The following DNAH17 variants were observed in gnomAD, a reference collection of about 807,000 sequenced individuals.
The protein encoded by DNAH17 is axonemal beta dynein heavy chain 17.
Under a neutral mutation model 485.6 loss-of-function variants are expected in DNAH17, and 376 were observed. The ratio of observed to expected loss-of-function variants is 0.77; its 90% CI spans 0.71 to 0.84. The LOEUF is 0.84. Ranked by LOEUF, DNAH17 falls within the 40% of genes least tolerant of loss-of-function variation. The pLI, the probability that DNAH17 is intolerant of heterozygous loss-of-function variation, is 0.00. For synonymous variants in DNAH17, 3,031 were observed against 2,405.9 expected (o/e 1.26, Z -7.60); for missense variants, 6,370 against 5,839.3 (o/e 1.09, Z -2.96).
At chr17:78,558,342 G>A (rs2092073487) in intron 13 of DNAH17, 88 bp from the exon 14 acceptor site, 5 of 1,489,378 alleles carry the variant, frequency 3.4e-6, no homozygotes, top group Non-Finnish European at 4.5e-6. Context: ...ATCTGCCCTG[G>A]GATGTTTTGA....
chr17:78,502,662 C>A lies in DNAH17; in HGVS notation c.5119G>T (p.Glu1707Ter), dbSNP rs752766622. ...AGCCTGGCAAATGCCAGGCCCACCT[C>A]GGTCGTCCACCAGATCTGGGTGCAA... ...LTCTQIWWTT[E>*]VGLAFARLEE... Residue 1707 changes from glutamate (E) to a stop codon, truncating the protein, a stop_gained, in exon 33 of 81, where the codon GAG becomes TAG. Transcript: ENST00000389840. LOFTEE classifies it high-confidence loss of function. 1.2e-6 allele frequency: 2 copies of A among 1,612,888 alleles called. No homozygotes were observed. The highest frequency in any genetic ancestry group is 1.7e-6 in the Non-Finnish European group (2 of 1,179,962).
intron 66 of DNAH17, 59 bp downstream of exon 66, chr17:78,451,410 C>G (rs997960271): frequency 1.3e-6 from 2 of 1,504,626 alleles, no homozygotes; most frequent in African/African-American, 2.8e-5. Flanking sequence ...TCACAGTGAC[C>G]TGGCCCCCTC....
chr17:78,558,361 G>T, intron 13 of DNAH17, 107 bp from the exon 14 acceptor site: 1 of 1,380,686 alleles, frequency 7.2e-7, no homozygotes, highest in Non-Finnish European at 9.7e-7. Context: ...GACAGCCGGG[G>T]GGGATCTCAA....
intron 24 of DNAH17, 74 bp from the exon 25 acceptor site, chr17:78,525,235 G>A: frequency 6.4e-7 from 1 of 1,552,098 alleles, no homozygotes; most frequent in South Asian, 1.2e-5. Context: ...CCGACGTTCT[G>A]CCCGTCTCTC....
chr17:78,569,663 C>T lies in DNAH17; in HGVS notation c.1045-136G>A. 4.3e-6 allele frequency: 5 copies of T among 1,162,038 alleles called. No individual in the cohort carries two copies. The South Asian group carries it at 8.5e-5, about 20-fold the overall frequency. The allele number at this position is 1,162,038 out of a possible 1,614,324, so 72.0% of individuals were successfully genotyped here. On this transcript the variant is annotated intron_variant, in intron 7 of 80. Coordinates refer to ENST00000389840, the MANE Select transcript of DNAH17 (RefSeq NM_173628.4). ...AATAACCCCTCCTATCTGCCCACTGCTGGGCCGTTTTTAGGGGACCGAGCT... is the reference window on the plus strand; with the variant it reads ...AATAACCCCTCCTATCTGCCCACTGTTGGGCCGTTTTTAGGGGACCGAGCT...
chr17:78,491,579 G>T lies in DNAH17; in HGVS notation c.6542-9C>A. ...GATGGTGGAGAACAGGCCTGGGGGA[G>T]GCGCGTGGTATGACCCCGGGCCCTT... On this transcript the variant is annotated splice_polypyrimidine_tract_variant and intron_variant, in intron 42 of 80. Transcript: ENST00000389840. 6.2e-7 allele frequency: 1 copy of T among 1,613,430 alleles called. No homozygotes were observed.
chr17:78,482,644 C>T (rs1278257016), intron 48 of DNAH17, among the ~76,000 whole-genome samples: 5 of 152,204 alleles, frequency 3.3e-5, no homozygotes, highest in African/African-American at 4.8e-5. Context: ...CTGCCCACCT[C>T]ACAGCTCACC....
chr17:78,554,216 G>T (rs758485562), intron 14 of DNAH17, among the ~76,000 whole-genome samples: 1 of 152,030 alleles, frequency 6.6e-6, no homozygotes, highest in Non-Finnish European at 1.5e-5. Flanking sequence ...GAGGCAGGCA[G>T]ATCACTTAAG....
chr17:78,449,970 C>T, intron 68 of DNAH17: 2 of 502,404 alleles, frequency 4.0e-6, no homozygotes, highest in East Asian at 3.4e-5. Flanking sequence ...GCCACCATGC[C>T]AGGCCATCCA....
intron 22 of DNAH17, among the ~76,000 whole-genome samples, chr17:78,527,703 T>G (rs1181552375): frequency 6.6e-6 from 1 of 152,204 alleles, no homozygotes; most frequent in Non-Finnish European, 1.5e-5. Flanking sequence ...CCAGAATGGC[T>G]GCAACAATCA....
rs73380886 is a variant in DNAH17, at chr17:78,505,571, C to T, written c.4804-126G>A. 4.6e-3 allele frequency: 5,701 copies of T among 1,234,008 alleles called. 195 individuals carry two copies. The African/African-American group carries it at 0.075, about 16-fold the overall frequency. 76.4% of individuals were successfully genotyped at this position (1,234,008 alleles called of 1,614,324 possible). ...GAATATACTCCCCATCTTTGATCAA[C>T]GTTGACTAAACATGACTAAGTCAAC... On this transcript the variant is annotated intron_variant, in intron 30 of 80. Coordinates refer to ENST00000389840, the MANE Select transcript of DNAH17 (RefSeq NM_173628.4).
In DNAH17 at chr17:78,572,700, C is replaced by CCT; in HGVS notation, c.538_539dup (p.Ile181GlyfsTer29). The CCT allele has an allele frequency of 6.2e-7, 1 of 1,600,852 alleles. No homozygotes were observed. The highest frequency in any genetic ancestry group is 8.5e-7 in the Non-Finnish European group (1 of 1,174,154). On this transcript the variant is annotated frameshift_variant and splice_region_variant. Coordinates refer to ENST00000389840, the MANE Select transcript of DNAH17 (RefSeq NM_173628.4). LOFTEE classifies it high-confidence loss of function. ...AGCCGGAAGCAGCTGGGCCCACACA[C>CCT]CTCTCCATGGACTCCAGCGTGCCAT...
intron 54 of DNAH17, 58 bp from the exon 55 acceptor site, chr17:78,468,941 A>G: frequency 6.4e-7 from 1 of 1,561,932 alleles, no homozygotes; most frequent in Non-Finnish European, 8.6e-7. Flanking sequence ...AATTAGAGAC[A>G]TCCTCCACAA....
chr17:78,518,993 C>A (rs573299691), intron 25 of DNAH17, among the ~76,000 whole-genome samples: 1 of 151,672 alleles, frequency 6.6e-6, no homozygotes, highest in South Asian at 2.1e-4. Context: ...ATGGTGAAAC[C>A]CCGTCTCTAC....
chr17:78,459,750 G>A (rs774544622), intron 60 of DNAH17, 34 bp downstream of exon 60: 8 of 1,610,800 alleles, frequency 5.0e-6, no homozygotes, highest in Admixed American at 1.7e-5. Context: ...GAATCGGAGG[G>A]AAGCCCCGGC....
Position 78,558,205 on chromosome 17 carries a change from T to C in DNAH17, c.2081A>G (p.Lys694Arg). 6.2e-7 allele frequency: 1 copy of C among 1,613,852 alleles called. No individual in the cohort carries two copies. The highest frequency in any genetic ancestry group is 8.5e-7 in the Non-Finnish European group (1 of 1,179,818). Reference sequence around the variant, plus strand: ...ACTCTCCGCACTGTCTGGAATCTCTTTCTGTTGCTGGAAATTCAAATACTT... The same window carrying C: ...ACTCTCCGCACTGTCTGGAATCTCTCTCTGTTGCTGGAAATTCAAATACTT... ...EVKYLNFQQQKEIPDSAESLF... is the reference protein window; with the variant it reads ...EVKYLNFQQQREIPDSAESLF... Residue 694 changes from lysine to arginine, a missense_variant, in exon 14 of 81, where the codon AAA becomes AGA. Lys to Arg is a conservative substitution (Grantham distance 26). Transcript: ENST00000389840.
chr17:78,473,475 C>T (rs190571487), intron 54 of DNAH17, among the ~76,000 whole-genome samples: 2 of 140,992 alleles, frequency 1.4e-5, no homozygotes, highest in East Asian at 2.1e-4. Context: ...ACCCGGGAAG[C>T]GGAGCTTGCA....
intron 48 of DNAH17, among the ~76,000 whole-genome samples, chr17:78,484,423 T>C (rs1228689590): frequency 6.6e-6 from 1 of 151,948 alleles, no homozygotes; most frequent in Non-Finnish European, 1.5e-5. Flanking sequence ...GTGCACCATC[T>C]CCCCAGGGGC....
In DNAH17 at chr17:78,434,184, T is replaced by TG; in HGVS notation, c.12069dup (p.Lys4024GlnfsTer64). ...TAGCACAGGGCGAAGAGCATGCACT[T>TG]GAACTCCATCTCCTTGGTGCACATC... is the stretch of plus-strand genomic sequence containing the variant. On this transcript the variant is annotated frameshift_variant, in exon 75 of 81. Coordinates refer to ENST00000389840, the MANE Select transcript of DNAH17 (RefSeq NM_173628.4). LOFTEE classifies it high-confidence loss of function. 1 of 1,613,160 alleles carries TG rather than the reference T, an allele frequency of 6.2e-7. No homozygotes were observed. The highest frequency in any genetic ancestry group is 8.5e-7 in the Non-Finnish European group (1 of 1,179,526).
Sources: gnomAD v4.1 joint callset for allele counts (sites outside exome capture counted in the v4.1 genomes callset) on GRCh38, gnomAD v4.1.1 for gene constraint, MANE v1.5 for transcripts, NCBI Gene and HGNC (gene_info 2026-07-23, HGNC 2026-07-21) for gene names.